SNAP91: variants seen among roughly 807,000 people sequenced by gnomAD.
SNAP91 encodes the protein synaptosome associated protein 91.
Under a neutral mutation model 100.3 loss-of-function variants are expected in SNAP91, and 27 were observed. That is an observed-to-expected ratio of 0.27 (90% CI 0.20 to 0.37). The LOEUF is 0.37. Ranked by LOEUF, SNAP91 falls within the 10% of genes least tolerant of loss-of-function variation. The pLI is 1.00. For missense variants in SNAP91, 986 were observed against 1,123.7 expected (o/e 0.88, Z 1.75); for synonymous variants, 404 against 398.6 (o/e 1.01, Z -0.16).
chr6:83,672,065 A>C (rs908105791), intron 2 of SNAP91, among the ~76,000 whole-genome samples: 1 of 152,148 alleles, frequency 6.6e-6, no homozygotes, highest in Non-Finnish European at 1.5e-5. Context: ...TTTATACCTT[A>C]TATTTTGAGT....
At position 83,707,152 on chromosome 6, in the gene SNAP91, A is replaced by G. The variant is rs533804534; in HGVS notation, c.130+646T>C. ...TCATCTCACCCAGCATTTTCTGAGA[A>G]TGGGACAAAGTGTGCCAGGATGTGT... is the stretch of plus-strand genomic sequence containing the variant. On this transcript the variant is annotated intron_variant, in intron 2 of 29. Transcript: ENST00000369694. Among the ~76,000 whole-genome samples, 9 of 152,318 alleles carry G rather than the reference A, an allele frequency of 5.9e-5. No individual in the cohort carries two copies. The East Asian group carries it at 1.7e-3, about 29-fold the overall frequency.
intron 14 of SNAP91, among the ~76,000 whole-genome samples, chr6:83,603,645 A>G (rs535558751): frequency 1.6e-4 from 25 of 152,124 alleles, no homozygotes; most frequent in Non-Finnish European, 3.1e-4. Flanking sequence ...AAAAGAAGAA[A>G]AAAAAAAGGT....
rs1423941244 is a variant in SNAP91, at chr6:83,554,218, ACT to A, written c.*76_*77del. 2.1e-5 allele frequency: 5 copies of A among 243,414 alleles called. 1 individual carries two copies. The highest frequency in any genetic ancestry group is 8.9e-4 in the Middle Eastern group (2 of 2,246). The allele number at this position is 243,414 out of a possible 1,614,324, so 15.1% of individuals were successfully genotyped here. A position where few individuals can be genotyped will look rare whatever the true frequency, so the allele number is the denominator to read the frequency against. ...TTTGGTACTGGTGGCTCCCTTTGAA[ACT>A]CAGCATCAATCTTATTTGAAGTCTC... On this transcript the variant is annotated 3_prime_UTR_variant, in exon 30 of 30. Coordinates refer to ENST00000369694, the MANE Select transcript of SNAP91 (RefSeq NM_001242792.2).
rs187423527 is a variant in SNAP91 at position 83,560,894 on chromosome 6, C to T, written c.2496G>A (p.Ser832=). 4.2e-3 allele frequency: 6,846 copies of T among 1,613,762 alleles called. 25 individuals are homozygous for T. The highest frequency in any genetic ancestry group is 5.2e-3 in the Non-Finnish European group (6,079 of 1,179,812). Residue 832 remains serine (S), a synonymous_variant, in exon 27 of 30, where the codon TCG becomes TCA. Transcript: ENST00000369694. The part of the protein sequence containing the change: ...SSVPPVAGAP[S]VGQPGAGFGM... ...CAAATCCTGCTCCAGGTTGTCCAAC[C>T]GATGGGGCCCCGGCAACAGGAGGAA...
chr6:83,674,874 G>C (rs951962217), intron 2 of SNAP91, among the ~76,000 whole-genome samples: 11 of 152,154 alleles, frequency 7.2e-5, no homozygotes, highest in African/African-American at 2.7e-4. Flanking sequence ...GAAATCATCA[G>C]AACAGGAATC....
chr6:83,691,519 T>C (rs558882519), intron 2 of SNAP91, among the ~76,000 whole-genome samples: 1 of 152,258 alleles, frequency 6.6e-6, no homozygotes, highest in Admixed American at 6.5e-5. Context: ...CCCTACTAGA[T>C]CAACTCTTTT....
chr6:83,574,351 T>C (rs1814238006), intron 26 of SNAP91, among the ~76,000 whole-genome samples: 2 of 152,346 alleles, frequency 1.3e-5, no homozygotes, highest in South Asian at 2.1e-4. Context: ...TTTCCAGTCA[T>C]GTGTTCTTTC....
intron 2 of SNAP91, among the ~76,000 whole-genome samples, chr6:83,695,832 C>T (rs1299790366): frequency 6.6e-6 from 1 of 151,404 alleles, no homozygotes; most frequent in Non-Finnish European, 1.5e-5. Context: ...TAGAATAGAC[C>T]ACTGGCACAG....
In SNAP91 at chr6:83,591,246, G is replaced by T. The variant is rs766514515; in HGVS notation, c.1979C>A (p.Ala660Asp). 4 of 1,612,650 alleles carry T rather than the reference G, an allele frequency of 2.5e-6. No homozygotes were observed. The South Asian group carries it at 4.4e-5, about 18-fold the overall frequency. Reference protein sequence around the residue: ...ASEPQPASQAASSSSASADLL... With the variant: ...ASEPQPASQADSSSSASADLL... ...GTCTGCCGATGCTGATGAACTAGAAGCAGCCTGAGATGCAGGTTGGGGTTC... is the reference window on the plus strand; with the variant it reads ...GTCTGCCGATGCTGATGAACTAGAATCAGCCTGAGATGCAGGTTGGGGTTC... The change falls in exon 22 of 30, where the codon GCT (alanine) becomes GAT (aspartate). Residue 660 changes from alanine to aspartate, a missense_variant. Ala to Asp is a moderately radical substitution (Grantham distance 126). Coordinates refer to ENST00000369694, the MANE Select transcript of SNAP91 (RefSeq NM_001242792.2).
chr6:83,616,081 T>C (rs560870798), intron 10 of SNAP91, among the ~76,000 whole-genome samples: 1 of 152,310 alleles, frequency 6.6e-6, no homozygotes, highest in South Asian at 2.1e-4. Context: ...CCCTAACCTT[T>C]AGATTCAGAA....
At chr6:83,563,571 A>T (rs1345200267) in intron 26 of SNAP91, among the ~76,000 whole-genome samples, 1 of 152,222 alleles carries the variant, frequency 6.6e-6, no homozygotes, top group East Asian at 1.9e-4. Flanking sequence ...ATCTCTATTC[A>T]TCGATGGCAC....
chr6:83,703,361 T>C (rs762140249), intron 2 of SNAP91, among the ~76,000 whole-genome samples: 13 of 152,120 alleles, frequency 8.5e-5, no homozygotes, highest in East Asian at 1.9e-4. Context: ...TACTAAATTA[T>C]CACAAATATA....
At chr6:83,608,248 A>C (rs3823047) in intron 12 of SNAP91, among the ~76,000 whole-genome samples, 9,298 of 152,252 alleles carry the variant, frequency 0.061, 287 homozygotes, top group Middle Eastern at 0.085. Flanking sequence ...ATGACCTTCA[A>C]ATCCAGAAAT....
intron 28 of SNAP91, among the ~76,000 whole-genome samples, chr6:83,559,777 C>A (rs2127815336): frequency 1.3e-5 from 2 of 152,312 alleles, no homozygotes; most frequent in Middle Eastern, 6.8e-3. Context: ...CTGGCTAACG[C>A]TGGGAACACA....
intron 23 of SNAP91, among the ~76,000 whole-genome samples, chr6:83,581,487 A>G (rs1424814167): frequency 3.9e-5 from 6 of 152,262 alleles, no homozygotes; most frequent in African/African-American, 7.2e-5. Flanking sequence ...GATGTTGCTA[A>G]TATGTTATCT....
chr6:83,565,118 C>G (rs1364270325), intron 26 of SNAP91, among the ~76,000 whole-genome samples: 3 of 151,176 alleles, frequency 2.0e-5, no homozygotes. Context: ...GCAGAATATG[C>G]CACCCCAAAA....
intron 8 of SNAP91, among the ~76,000 whole-genome samples, chr6:83,626,406 T>C (rs150784186): frequency 1.2e-4 from 19 of 152,212 alleles, no homozygotes; most frequent in Non-Finnish European, 2.6e-4. Context: ...ATGATGTTGA[T>C]AATTTGATAG....
intron 7 of SNAP91, among the ~76,000 whole-genome samples, chr6:83,648,380 G>GT (rs2098045357): frequency 6.7e-6 from 1 of 150,256 alleles, no homozygotes. Flanking sequence ...GTTTCTTTAT[G>GT]GTTTTTTTTT....
intron 9 of SNAP91, 106 bp from the exon 10 acceptor site, chr6:83,617,145 T>C (rs2096530573): frequency 6.8e-6 from 4 of 592,284 alleles, no homozygotes; most frequent in South Asian, 5.3e-5. Context: ...TGGACCCCGA[T>C]ATATATGTGA....
Sources: allele counts gnomAD v4.1 joint callset (sites outside exome capture counted in the v4.1 genomes callset), GRCh38; gene constraint gnomAD v4.1.1; transcripts MANE v1.5; gene names NCBI Gene and HGNC (gene_info 2026-07-23, HGNC 2026-07-21).